Variants in MMP9 observed in about 807,000 individuals in gnomAD.
MMP9 encodes matrix metallopeptidase 9.
In MMP9, 73 loss-of-function variants were observed where a neutral mutation model predicts 76.4. The ratio of observed to expected loss-of-function variants is 0.96; its 90% CI spans 0.79 to 1.16. The LOEUF (loss-of-function observed/expected upper bound fraction) is 1.16, where lower values mean the gene tolerates loss of function less well. Ranked by LOEUF, MMP9 falls within the 50% of genes most tolerant of loss-of-function variation. MMP9 has a pLI of 0.00. For synonymous variants in MMP9, 412 were observed against 408.4 expected (o/e 1.01, Z -0.11); for missense variants, 943 against 973.0 (o/e 0.97, Z 0.41).
intron 12 of MMP9, among the ~76,000 whole-genome samples, chr20:46,015,453 CT>C (rs199508388): frequency 0.16 from 19,819 of 124,942 alleles, 1,020 homozygotes; most frequent in East Asian, 0.35. Flanking sequence ...TTTCTTTTTT[CT>C]TTTTTTTTTT....
At position 46,010,333 on chromosome 20, in the gene MMP9, A is replaced by AAAAAAAAC. The variant is rs1555856972; in HGVS notation, c.372-143_372-142insCAAAAAAA. 6 of 828,820 alleles carry AAAAAAAAC rather than the reference A, an allele frequency of 7.2e-6. No homozygotes were observed. In the African/African-American group the frequency reaches 1.1e-4, roughly 15 times the overall value. 51.3% of individuals were successfully genotyped at this position (828,820 alleles called of 1,614,324 possible). ...GGGTCTAAGTAGACAAAAAAAAAAA[A>AAAAAAAAC]AAAAAAAACAGTCTGGAAGCAATTT... On this transcript the variant is annotated intron_variant, in intron 2 of 12. Transcript: ENST00000372330.
Position 46,009,070 on chromosome 20 carries a change from C to A in MMP9, c.138+6C>A, listed in dbSNP as rs1258515398. ...CCGACAGGCAGCTGGCAGAGGTGGG[C>A]AAACACCTAGTCTAGAGTTGGGGAG... is the stretch of plus-strand genomic sequence containing the variant. On this transcript the variant is annotated splice_donor_region_variant and intron_variant, in intron 1 of 12. Transcript: ENST00000372330. The A allele has an allele frequency of 6.2e-7, 1 of 1,613,040 alleles. No homozygotes were observed. The highest frequency in any genetic ancestry group is 1.3e-5 in the African/African-American group (1 of 74,838).
At chr20:46,011,970 T>C (rs1178798118) in intron 6 of MMP9, among the ~76,000 whole-genome samples, 167 bp from the exon 7 acceptor site, 6 of 152,220 alleles carry the variant, frequency 3.9e-5, no homozygotes, top group African/African-American at 2.4e-5. Flanking sequence ...TGGCCGCCTC[T>C]TCCTTGGTCT....
chr20:46,015,314 A>C (rs929499480), intron 12 of MMP9, among the ~76,000 whole-genome samples: 6 of 152,088 alleles, frequency 3.9e-5, no homozygotes, highest in Admixed American at 2.0e-4. Context: ...CCAGATTGTC[A>C]CTGGGCCATC....
In MMP9 at chr20:46,012,433, G is replaced by C. The variant is rs370515124; in HGVS notation, c.1181G>C (p.Ser394Thr). Reference sequence around the variant, plus strand: ...AGGCTCCCTCTCCCTCCAGGATACAGTTTGTTCCTCGTGGCGGCGCATGAG... The same window carrying C: ...AGGCTCCCTCTCCCTCCAGGATACACTTTGTTCCTCGTGGCGGCGCATGAG... ...KWGFCPDQGY[S>T]LFLVAAHEFG... Residue 394 changes from serine to threonine, a missense_variant, in exon 8 of 13, where the codon AGT becomes ACT. Ser to Thr is a moderately conservative substitution (Grantham distance 58). Transcript: ENST00000372330. 2.5e-6 allele frequency: 4 copies of C among 1,614,066 alleles called. No homozygotes were observed. In the African/African-American group the frequency reaches 5.3e-5, roughly 22 times the overall value.
In MMP9 at chr20:46,011,109, G is replaced by T. The variant is rs200223906; in HGVS notation, c.650-34G>T. 7.1e-5 allele frequency: 114 copies of T among 1,613,728 alleles called. 3 individuals carry two copies. The South Asian group carries it at 1.1e-3, about 16-fold the overall frequency. ...CTTCATTCTCTCCCACTCATCACCCGCCGCCCTAACTCCGGTCCCCCCTCC... is the reference window on the plus strand; with the variant it reads ...CTTCATTCTCTCCCACTCATCACCCTCCGCCCTAACTCCGGTCCCCCCTCC... On this transcript the variant is annotated intron_variant, in intron 4 of 12. Transcript: ENST00000372330.
chr20:46,011,292 CG>C lies in MMP9; in HGVS notation c.801del (p.Phe268LeufsTer70), dbSNP rs773982241. 1.9e-6 allele frequency: 3 copies of C among 1,607,350 alleles called. No individual in the cohort carries two copies. In the South Asian group the frequency reaches 3.3e-5, roughly 18 times the overall value. ...STTANYDTDD[R>X]FGFCPSERLY... ...CACGGCCAACTACGACACCGACGAC[CG>C]GTTTGGCTTCTGCCCCAGCGAGAGT... On this transcript the variant is annotated frameshift_variant, in exon 5 of 13. Coordinates refer to ENST00000372330, the MANE Select transcript of MMP9 (RefSeq NM_004994.3). LOFTEE classifies it high-confidence loss of function.
At chr20:46,010,128 G>T in intron 2 of MMP9, 30 bp downstream of exon 2, 1 of 1,500,194 alleles carries the variant, frequency 6.7e-7, no homozygotes, top group Non-Finnish European at 9.1e-7. Flanking sequence ...GCAGCGGGGT[G>T]GGGCGGGGAG....
intron 10 of MMP9, 98 bp from the exon 11 acceptor site, chr20:46,014,026 C>T: frequency 6.6e-7 from 1 of 1,507,618 alleles, no homozygotes; most frequent in Non-Finnish European, 8.9e-7. Context: ...TGCGGGCACG[C>T]GGGCTAGGAA....
At chr20:46,014,052 C>T in intron 10 of MMP9, 72 bp from the exon 11 acceptor site, 1 of 1,528,048 alleles carries the variant, frequency 6.5e-7, no homozygotes, top group South Asian at 1.2e-5. Flanking sequence ...TCGCCGGAAT[C>T]TCCCTCCTCG....
chr20:46,010,191 C>T, intron 2 of MMP9, 93 bp downstream of exon 2: 6 of 1,198,776 alleles, frequency 5.0e-6, no homozygotes, highest in Non-Finnish European at 5.8e-6. Context: ...TGGACGCGTC[C>T]CTGGGTTTCA....
intron 12 of MMP9, 38 bp from the exon 13 acceptor site, chr20:46,016,212 T>G: frequency 6.5e-7 from 1 of 1,538,654 alleles, no homozygotes; most frequent in Non-Finnish European, 9.0e-7. Context: ...TGTGGGAGAA[T>G]TAGAATCACT....
At chr20:46,012,104 A>C (rs377600705) in intron 6 of MMP9, 33 bp from the exon 7 acceptor site, 4 of 1,610,746 alleles carry the variant, frequency 2.5e-6, no homozygotes, top group Non-Finnish European at 3.4e-6. Flanking sequence ...GGACTCATCC[A>C]TCTGGCTCAT....
rs2084297511 is a variant in MMP9 at position 46,013,405 on chromosome 20, C to A, written c.1481C>A (p.Thr494Lys). 1.2e-6 allele frequency: 2 copies of A among 1,613,770 alleles called. No homozygotes were observed. Among genetic ancestry groups the A allele is most frequent in the Non-Finnish European group, 1.7e-6 (2 of 1,179,854 alleles). ...GPTGPPSAGP[T>K]GPPTAGPSTA... ...ACAGGTCCCCCCTCAGCTGGCCCCA[C>A]AGGTCCCCCCACTGCTGGCCCTTCT... Residue 494 changes from threonine (T) to lysine (K), a missense_variant, in exon 9 of 13, where the codon ACA becomes AAA. Coordinates refer to ENST00000372330, the MANE Select transcript of MMP9 (RefSeq NM_004994.3). This position sits in a 1 kb window ranked among gnomAD's most constrained non-coding sequence, Gnocchi z 4.5.
chr20:46,010,331 A>AAACAAACAAAC, intron 2 of MMP9, 152 bp from the exon 3 acceptor site: 1 of 762,248 alleles, frequency 1.3e-6, no homozygotes, highest in Non-Finnish European at 2.1e-6. Flanking sequence ...CAAAAAAAAA[A>AAACAAACAAAC]AAAAAAAAAA....
chr20:46,015,976 T>C (rs2084318812), intron 12 of MMP9, among the ~76,000 whole-genome samples: 1 of 152,214 alleles, frequency 6.6e-6, no homozygotes, highest in Non-Finnish European at 1.5e-5. Context: ...TTAAGATAGT[T>C]GGTCTATTCA....
intron 3 of MMP9, 106 bp downstream of exon 3, chr20:46,010,737 C>G: frequency 6.5e-7 from 1 of 1,541,806 alleles, no homozygotes; most frequent in South Asian, 1.2e-5. Flanking sequence ...TCTTGCCTGC[C>G]CGCGCTGCCC....
rs1163389178 is a variant in MMP9 at position 46,013,951 on chromosome 20, T to C, written c.1750+155T>C. On this transcript the variant is annotated intron_variant, in intron 10 of 12. Coordinates refer to ENST00000372330, the MANE Select transcript of MMP9 (RefSeq NM_004994.3). The surrounding 1 kb of genome is among the most constrained non-coding windows in gnomAD (Gnocchi z 4.5). ...GCAAACGTAGGGGCGGCTGAGTTTC[T>C]GCCCCCTCCTCTCCACGCCCTCGCG... 9 of 1,386,404 alleles carry C rather than the reference T, an allele frequency of 6.5e-6. No individual in the cohort carries two copies. In the East Asian group the frequency reaches 1.8e-4, roughly 27 times the overall value. The allele number at this position is 1,386,404 out of a possible 1,614,324, so 85.9% of individuals were successfully genotyped here.
chr20:46,015,467 T>C lies in MMP9; in HGVS notation c.2006-783T>C, dbSNP rs1421610785. 4.3e-3 allele frequency among the ~76,000 whole-genome samples: 647 copies of C among 150,010 alleles called. 6 individuals are homozygous for C. The highest frequency in any genetic ancestry group is 0.014 in the African/African-American group (590 of 40,898). On this transcript the variant is annotated intron_variant, in intron 12 of 12. Coordinates refer to ENST00000372330, the MANE Select transcript of MMP9 (RefSeq NM_004994.3). ...TTTTCTTTTTTCTTTTTTTTTTTTT[T>C]TGAGATGGAGTCTTGCTCTGTCGCC... is the stretch of plus-strand genomic sequence containing the variant.
Sources: gnomAD v4.1 joint callset for allele counts (sites outside exome capture counted in the v4.1 genomes callset) on GRCh38, gnomAD v4.1.1 for gene constraint, Gnocchi (gnomAD v3.1) non-coding constraint, MANE v1.5 for transcripts, NCBI Gene and HGNC (gene_info 2026-07-23, HGNC 2026-07-21) for gene names.